PTPRB: variants seen among roughly 807,000 people sequenced by gnomAD.
PTPRB encodes the protein protein tyrosine phosphatase receptor type B, also known as receptor-type tyrosine-protein phosphatase beta.
In PTPRB, 97 loss-of-function variants were observed where a neutral mutation model predicts 238.1. The ratio of observed to expected loss-of-function variants is 0.41; its 90% CI spans 0.35 to 0.48. The LOEUF is 0.48. Among genes scored for constraint, PTPRB ranks in the 20% least tolerant of loss-of-function variants. The pLI, the probability that PTPRB is intolerant of heterozygous loss-of-function variation, is 0.30. For synonymous variants in PTPRB, 970 were observed against 995.4 expected (o/e 0.97, Z 0.48); for missense variants, 2,292 against 2,681.9 (o/e 0.85, Z 3.21).
chr12:70,539,567 G>C lies in PTPRB; in HGVS notation c.5778+58C>G. 22 of 1,333,858 alleles carry C rather than the reference G, an allele frequency of 1.6e-5. No individual in the cohort carries two copies. In the South Asian group the frequency reaches 2.7e-4, roughly 16 times the overall value. 82.6% of individuals were successfully genotyped at this position (1,333,858 alleles called of 1,614,324 possible). A position where few individuals can be genotyped will look rare whatever the true frequency, so the allele number is the denominator to read the frequency against. ...GCCTATGATGACACAGTAAACATTA[G>C]GAAGGAAATTCTGCTAAGAACTAGG... On this transcript the variant is annotated intron_variant, in intron 26 of 33. Coordinates refer to ENST00000334414, the MANE Select transcript of PTPRB (RefSeq NM_001109754.4).
chr12:70,540,734 AAC>A, intron 23 of PTPRB, 122 bp downstream of exon 23: 1 of 725,932 alleles, frequency 1.4e-6, no homozygotes, highest in Non-Finnish European at 2.3e-6. Flanking sequence ...TTATTGAGAA[AAC>A]AGTGACAATT....
intron 31 of PTPRB, among the ~76,000 whole-genome samples, chr12:70,532,498 C>T (rs555176371): frequency 6.6e-6 from 1 of 152,302 alleles, no homozygotes; most frequent in South Asian, 2.1e-4. Context: ...GAAAAATCTA[C>T]TGAAATGGTA....
At chr12:70,624,691 T>C (rs1885097778) in intron 2 of PTPRB, among the ~76,000 whole-genome samples, 1 of 152,128 alleles carries the variant, frequency 6.6e-6, no homozygotes, top group Non-Finnish European at 1.5e-5. Context: ...ATCCTCTGAG[T>C]TGACTGCTAC....
At chr12:70,556,386 C>G (rs1056338581) in intron 18 of PTPRB, among the ~76,000 whole-genome samples, 1 of 152,014 alleles carries the variant, frequency 6.6e-6, no homozygotes, top group East Asian at 1.9e-4. Flanking sequence ...TTAAAGAATG[C>G]CTTGATGGGC....
rs192388887 is a variant in PTPRB at position 70,540,970 on chromosome 12, A to G, written c.5495-13T>C. On this transcript the variant is annotated splice_polypyrimidine_tract_variant and intron_variant, in intron 22 of 33. Coordinates refer to ENST00000334414, the MANE Select transcript of PTPRB (RefSeq NM_001109754.4). ...CCAAACAAGGGCTCTACAATAATCC[A>G]GATAGAAACAACAAACGCAGGTGGG... 8.8e-6 allele frequency: 14 copies of G among 1,587,180 alleles called. No individual in the cohort carries two copies. Among genetic ancestry groups the G allele is most frequent in the East Asian group, 4.5e-5 (2 of 44,138 alleles).
At chr12:70,589,461 T>C (rs1255265856) in intron 8 of PTPRB, among the ~76,000 whole-genome samples, 1 of 152,238 alleles carries the variant, frequency 6.6e-6, no homozygotes, top group Non-Finnish European at 1.5e-5. Context: ...CTTGGTATTC[T>C]TGCTGTCACG....
intron 3 of PTPRB, among the ~76,000 whole-genome samples, chr12:70,616,591 T>G (rs1322448784): frequency 6.6e-6 from 1 of 152,184 alleles, no homozygotes; most frequent in East Asian, 1.9e-4. Flanking sequence ...AATATGTATC[T>G]TTCAAAAGCT....
chr12:70,576,121 A>G (rs1458520275), intron 11 of PTPRB, among the ~76,000 whole-genome samples: 2 of 152,244 alleles, frequency 1.3e-5, no homozygotes, highest in Non-Finnish European at 2.9e-5. Context: ...TAGTTAAGAT[A>G]TATAAAGCCA....
chr12:70,595,908 A>G, intron 5 of PTPRB, 141 bp downstream of exon 5: 1 of 828,368 alleles, frequency 1.2e-6, no homozygotes. Context: ...ACTGTATCCC[A>G]CAAGCTCCTT....
intron 2 of PTPRB, among the ~76,000 whole-genome samples, chr12:70,631,189 C>T (rs1021674677): frequency 6.6e-6 from 1 of 152,142 alleles, no homozygotes; most frequent in Non-Finnish European, 1.5e-5. Flanking sequence ...TACTACAAGG[C>T]TACAGTAACC....
intron 6 of PTPRB, among the ~76,000 whole-genome samples, chr12:70,593,373 C>T (rs1297112496): frequency 6.6e-6 from 1 of 151,818 alleles, no homozygotes; most frequent in Non-Finnish European, 1.5e-5. Context: ...ATTAGCTGTG[C>T]GTGGTGGCAG....
At position 70,622,499 on chromosome 12, in the gene PTPRB, T is replaced by C; in HGVS notation, c.599A>G (p.Tyr200Cys). The part of the protein sequence containing the change: ...EAFIRNAAEN[Y>C]SQNSSERQHP... ...CTGCCTCTCGCTGCTGTTTTGGCTGTAGTTTTCTGCAGCATTTCTGATGAA... is the reference window on the plus strand; with the variant it reads ...CTGCCTCTCGCTGCTGTTTTGGCTGCAGTTTTCTGCAGCATTTCTGATGAA... The change falls in exon 3 of 34, where the codon TAC becomes TGC. Residue 200 changes from tyrosine to cysteine, a missense_variant. Physicochemically the swap from Tyr to Cys is radical, Grantham distance 194. Coordinates refer to ENST00000334414, the MANE Select transcript of PTPRB (RefSeq NM_001109754.4). The C allele has an allele frequency of 1.9e-6, 3 of 1,613,490 alleles. No individual in the cohort carries two copies. Among genetic ancestry groups the C allele is most frequent in the Non-Finnish European group, 2.5e-6 (3 of 1,179,668 alleles).
intron 13 of PTPRB, among the ~76,000 whole-genome samples, chr12:70,570,589 T>A (rs1016164514): frequency 1.3e-5 from 2 of 152,164 alleles, no homozygotes; most frequent in African/African-American, 2.4e-5. Flanking sequence ...GCTCAAGCTA[T>A]CCTCCTGCCT....
intron 9 of PTPRB, among the ~76,000 whole-genome samples, chr12:70,585,651 A>T (rs1361425061): frequency 1.3e-5 from 2 of 151,950 alleles, no homozygotes; most frequent in African/African-American, 4.8e-5. Context: ...TAATTAATTA[A>T]TTAATTTTAT....
chr12:70,598,567 GT>G (rs1410602465), intron 4 of PTPRB, among the ~76,000 whole-genome samples: 3 of 152,148 alleles, frequency 2.0e-5, no homozygotes, highest in African/African-American at 7.2e-5. Context: ...TTCCAAGGCA[GT>G]TTTGAAAAGT....
intron 8 of PTPRB, among the ~76,000 whole-genome samples, chr12:70,588,512 G>A (rs1229794313): frequency 1.3e-5 from 2 of 151,960 alleles, no homozygotes; most frequent in Admixed American, 6.6e-5. Context: ...ACATGCCTGT[G>A]ATCCTAGCTA....
In PTPRB at chr12:70,560,915, A is replaced by G; in HGVS notation, c.4188T>C (p.His1396=). ...TCGTGTTCCGATTGGACCCCCTGAGATGACTCACAGAGGCTGGGACTTAAA... is the reference window on the plus strand; with the variant it reads ...TCGTGTTCCGATTGGACCCCCTGAGGTGACTCACAGAGGCTGGGACTTAAA... ...FGRTVPASVS[H]LRGSNRNTTD... is the part of the protein sequence containing the mutation. The change falls in exon 17 of 34, where the codon CAT becomes CAC. Residue 1396 remains histidine (H), a synonymous_variant. Transcript: ENST00000334414. This position sits in a 1 kb window ranked among gnomAD's most constrained non-coding sequence, Gnocchi z 4.2. 6.2e-7 allele frequency: 1 copy of G among 1,613,450 alleles called. No individual in the cohort carries two copies. Among genetic ancestry groups the G allele is most frequent in the Non-Finnish European group, 8.5e-7 (1 of 1,179,402 alleles).
intron 24 of PTPRB, 32 bp from the exon 25 acceptor site, chr12:70,539,876 G>A: frequency 6.3e-7 from 1 of 1,576,474 alleles, no homozygotes. Context: ...GGAAGACTTT[G>A]TTAGCAAATT....
Position 70,596,267 on chromosome 12 carries a change from T to G in PTPRB, c.1040A>C (p.His347Pro). Reference protein sequence around the residue: ...SKEKTTSTSLHVWWTPSSGKV... With the variant: ...SKEKTTSTSLPVWWTPSSGKV... ...TCCGGAAGAAGGAGTCCACCAAACA[T>G]GCAAGCTGGTTGAAGTCGTCTTCTC... Residue 347 changes from histidine (H) to proline (P), a missense_variant, in exon 5 of 34, where the codon CAT (histidine) becomes CCT (proline). His to Pro is a moderately conservative substitution (Grantham distance 77). This residue lies in a region of PTPRB where 1,205 missense variants were observed against 1,287.8 expected (regional missense o/e 0.94). Transcript: ENST00000334414. The G allele has an allele frequency of 6.2e-7, 1 of 1,611,744 alleles. No individual in the cohort carries two copies. The highest frequency in any genetic ancestry group is 8.5e-7 in the Non-Finnish European group (1 of 1,179,390).
Sources: allele counts gnomAD v4.1 joint callset (sites outside exome capture counted in the v4.1 genomes callset), GRCh38; gene constraint gnomAD v4.1.1; regional missense constraint gnomAD v4.1.1; non-coding constraint Gnocchi (gnomAD v3.1); transcripts MANE v1.5; gene names NCBI Gene and HGNC (gene_info 2026-07-23, HGNC 2026-07-21).